LSS: variants seen among roughly 807,000 people sequenced by gnomAD.
The protein encoded by LSS is 2,3-epoxysqualene-lanosterol cyclase.
LSS carries 90 observed loss-of-function variants against 110.3 expected under a neutral mutation model. The ratio of observed to expected loss-of-function variants is 0.82; its 90% CI spans 0.69 to 0.97. LSS has a LOEUF of 0.97. Ranked by LOEUF, LSS falls within the 50% of genes least tolerant of loss-of-function variation. The pLI, the probability that LSS is intolerant of heterozygous loss-of-function variation, is 0.00. For synonymous variants in LSS, 433 were observed against 400.0 expected (o/e 1.08, Z -0.98); for missense variants, 927 against 990.0 (o/e 0.94, Z 0.85).
At chr21:46,227,489 G>C (rs2080355892) in intron 3 of LSS, 63 bp downstream of exon 3, 1 of 1,586,828 alleles carries the variant, frequency 6.3e-7, no homozygotes. Flanking sequence ...GACCAGGCTG[G>C]GCCAGGATCC....
chr21:46,225,343 A>C, intron 3 of LSS: 1 of 448,844 alleles, frequency 2.2e-6, no homozygotes, highest in Non-Finnish European at 4.4e-6. Context: ...GTCTAGCGGT[A>C]ACGCCAGCAT....
In LSS at chr21:46,210,669, A is replaced by C; in HGVS notation, c.1194+19T>G. On this transcript the variant is annotated intron_variant, in intron 12 of 21. Transcript: ENST00000397728. Reference sequence around the variant, plus strand: ...CAGGAAGGTCAGCTGAGGCTGAGAAAAGAGAAGGAGCCACGAACCTCAAGC... The same window carrying C: ...CAGGAAGGTCAGCTGAGGCTGAGAACAGAGAAGGAGCCACGAACCTCAAGC... 5 of 1,613,438 alleles carry C rather than the reference A, an allele frequency of 3.1e-6. No homozygotes were observed. Among genetic ancestry groups the C allele is most frequent in the Non-Finnish European group, 4.2e-6 (5 of 1,179,816 alleles).
rs1219335304 is a variant in LSS at position 46,191,134 on chromosome 21, G to A, written c.2169C>T (p.Tyr723=). 1.2e-6 allele frequency: 2 copies of A among 1,614,064 alleles called. No individual in the cohort carries two copies. Among genetic ancestry groups the A allele is most frequent in the Non-Finnish European group, 1.7e-6 (2 of 1,180,028 alleles). ...IWALGRFSQL[Y]PERALAGHP ...GGTGGCCAGCAAGGGCTCTCTCAGG[G>A]TACAGCTGGGAGAAGCGGCCGAGGG... is the stretch of plus-strand genomic sequence containing the variant. Residue 723 remains tyrosine (Y), a synonymous_variant, in exon 22 of 22, where the codon TAC becomes TAT. Coordinates refer to ENST00000397728, the MANE Select transcript of LSS (RefSeq NM_002340.6).
intron 13 of LSS, among the ~76,000 whole-genome samples, chr21:46,208,560 A>G (rs889149790): frequency 6.6e-6 from 1 of 152,142 alleles, no homozygotes; most frequent in African/African-American, 2.4e-5. Flanking sequence ...GGGAGTCAGC[A>G]CCTGACTCCC....
At position 46,209,450 on chromosome 21, in the gene LSS, G is replaced by A. The variant is rs986878574; in HGVS notation, c.1266+104C>T. ...GGGGGTGACCTGAAACACCAGTGCA[G>A]GAAATAGGGCAGGGTGGAGGTGAGG... On this transcript the variant is annotated intron_variant, in intron 13 of 21. Transcript: ENST00000397728. This position sits in a 1 kb window ranked among gnomAD's most constrained non-coding sequence, Gnocchi z 4.4. 1 of 1,062,254 alleles carries A rather than the reference G, an allele frequency of 9.4e-7. No homozygotes were observed. The highest frequency in any genetic ancestry group is 1.4e-6 in the Non-Finnish European group (1 of 735,484). The allele number at this position is 1,062,254 out of a possible 1,614,324, so 65.8% of individuals were successfully genotyped here. A position where few individuals can be genotyped will look rare whatever the true frequency, so the allele number is the denominator to read the frequency against.
chr21:46,226,383 C>T (rs1043374550), intron 3 of LSS, among the ~76,000 whole-genome samples: 2 of 152,216 alleles, frequency 1.3e-5, no homozygotes, highest in South Asian at 2.1e-4. Context: ...TGCCTTACCA[C>T]GAGCCCTGAG....
intron 20 of LSS, 150 bp from the exon 21 acceptor site, chr21:46,192,109 C>A (rs2079824995): frequency 3.0e-6 from 2 of 669,138 alleles, no homozygotes; most frequent in East Asian, 2.7e-5. Context: ...CCGCCAGGTG[C>A]AGCCAGCGCC....
chr21:46,195,795 G>A (rs1239507831), intron 18 of LSS, 39 bp from the exon 19 acceptor site: 35 of 1,536,288 alleles, frequency 2.3e-5, no homozygotes, highest in Non-Finnish European at 3.0e-5. Flanking sequence ...CTTCCACCCT[G>A]TTCACAGCCG....
intron 19 of LSS, 84 bp downstream of exon 19, chr21:46,195,590 TAA>T: frequency 7.9e-7 from 1 of 1,268,000 alleles, no homozygotes; most frequent in Non-Finnish European, 1.1e-6. Flanking sequence ...AAACAAACCC[TAA>T]AACCAAATGT....
intron 11 of LSS, among the ~76,000 whole-genome samples, chr21:46,211,288 A>G (rs2080129178): frequency 6.6e-6 from 1 of 152,166 alleles, no homozygotes; most frequent in Non-Finnish European, 1.5e-5. Flanking sequence ...CAGCACACCC[A>G]GCTAATTTTT....
Position 46,188,605 on chromosome 21 carries a change from C to T in LSS, c.*2499G>A, listed in dbSNP as rs541075752. The T allele has an allele frequency of 2.5e-4, 119 of 470,048 alleles. No homozygotes were observed. The highest frequency in any genetic ancestry group is 4.5e-4 in the Non-Finnish European group (102 of 226,870). The allele number at this position is 470,048 out of a possible 1,614,324, so 29.1% of individuals were successfully genotyped here. A position where few individuals can be genotyped will look rare whatever the true frequency, so the allele number is the denominator to read the frequency against. On this transcript the variant is annotated 3_prime_UTR_variant, in exon 22 of 22. Transcript: ENST00000397728. ...GGTCACCCTCCCAGCACCGAGAAGCCGACGGGGGAGGAACAGACTCCTCTG... is the reference window on the plus strand; with the variant it reads ...GGTCACCCTCCCAGCACCGAGAAGCTGACGGGGGAGGAACAGACTCCTCTG...
In LSS at chr21:46,188,876, C is replaced by G; in HGVS notation, c.*2228G>C. 2.3e-6 allele frequency: 1 copy of G among 435,460 alleles called. No individual in the cohort carries two copies. Among genetic ancestry groups the G allele is most frequent in the South Asian group, 1.7e-5 (1 of 59,788 alleles). The allele number at this position is 435,460 out of a possible 1,614,324, so 27.0% of individuals were successfully genotyped here. On this transcript the variant is annotated 3_prime_UTR_variant, in exon 22 of 22. Transcript: ENST00000397728. ...AGTTCCTCCTATGTGGACATTGTAT[C>G]ACGTTTATTTATCTTCCTGGATATG...
At chr21:46,215,907 C>T in intron 7 of LSS, 114 bp from the exon 8 acceptor site, 1 of 680,296 alleles carries the variant, frequency 1.5e-6, no homozygotes, top group Non-Finnish European at 2.4e-6. Flanking sequence ...CAGTCCCTTC[C>T]TGGGTGGGGG....
chr21:46,217,029 T>C (rs891765040), intron 6 of LSS, among the ~76,000 whole-genome samples: 9 of 151,982 alleles, frequency 5.9e-5, no homozygotes, highest in Non-Finnish European at 8.8e-5. Flanking sequence ...GGTGGATCAC[T>C]TGAGGTCAGG....
intron 19 of LSS, 23 bp from the exon 20 acceptor site, chr21:46,194,684 A>T (rs997883691): frequency 2.8e-5 from 45 of 1,602,974 alleles, no homozygotes; most frequent in Non-Finnish European, 3.8e-5. Flanking sequence ...GAGACAGGAG[A>T]CACCATCACA....
At chr21:46,221,817 C>G (rs186119624) in intron 5 of LSS, 37 bp downstream of exon 5, 10 of 1,612,650 alleles carry the variant, frequency 6.2e-6, no homozygotes, top group East Asian at 2.2e-5. Flanking sequence ...CGAGTTGACA[C>G]GAACCCCTGG....
In LSS at chr21:46,210,671, GAGA is replaced by G. The variant is rs539122908; in HGVS notation, c.1194+14_1194+16del. The G allele has an allele frequency of 4.5e-4, 730 of 1,613,426 alleles. 1 individual carries two copies. Among genetic ancestry groups the G allele is most frequent in the Non-Finnish European group, 5.8e-4 (682 of 1,179,874 alleles). On this transcript the variant is annotated intron_variant, in intron 12 of 21. Coordinates refer to ENST00000397728, the MANE Select transcript of LSS (RefSeq NM_002340.6). The stretch of plus-strand genomic sequence containing the variant: ...GGAAGGTCAGCTGAGGCTGAGAAAA[GAGA>G]AGGAGCCACGAACCTCAAGCAGAGC...
In LSS at chr21:46,194,623, AG is replaced by A; in HGVS notation, c.1855del (p.Leu619CysfsTer38). The A allele has an allele frequency of 6.2e-7, 1 of 1,613,616 alleles. No homozygotes were observed. The highest frequency in any genetic ancestry group is 8.5e-7 in the Non-Finnish European group (1 of 1,180,006). ...CAEVSRACDF[L>X]LSRQMADGGW... is the part of the protein sequence containing the mutation. ...TCCGTCTGCCATCTGCCGGGACAGC[AG>A]GAAGTCACAGGCCCGGGAGACCTCT... is the stretch of plus-strand genomic sequence containing the variant. On this transcript the variant is annotated frameshift_variant, in exon 20 of 22. Coordinates refer to ENST00000397728, the MANE Select transcript of LSS (RefSeq NM_002340.6). LOFTEE classifies it high-confidence loss of function.
At chr21:46,225,519 C>G (rs746655054) in intron 3 of LSS, among the ~76,000 whole-genome samples, 41 of 152,212 alleles carry the variant, frequency 2.7e-4, no homozygotes, top group Non-Finnish European at 4.9e-4. Context: ...GGCCTGACAT[C>G]AGTCAGGCCC....
Sources: allele counts gnomAD v4.1 joint callset (sites outside exome capture counted in the v4.1 genomes callset), GRCh38; gene constraint gnomAD v4.1.1; non-coding constraint Gnocchi (gnomAD v3.1); transcripts MANE v1.5; gene names NCBI Gene and HGNC (gene_info 2026-07-23, HGNC 2026-07-21).